Variants in LGALS8 observed in about 807,000 individuals in gnomAD.
LGALS8 encodes galectin 8, also known as galectin-8.
LGALS8 carries 30 observed loss-of-function variants against 35.9 expected under a neutral mutation model. The ratio of observed to expected loss-of-function variants is 0.83; its 90% CI spans 0.62 to 1.13. The LOEUF is 1.13. Ranked by LOEUF, LGALS8 falls within the 50% of genes most tolerant of loss-of-function variation. The probability of loss-of-function intolerance (pLI) is 0.00; values close to 1 mark genes in which losing one functional copy is unlikely to be tolerated. For missense variants in LGALS8, 366 were observed against 388.7 expected (o/e 0.94, Z 0.49); for synonymous variants, 138 against 136.1 (o/e 1.01, Z -0.10).
upstream of LGALS8, among the ~76,000 whole-genome samples, chr1:236,521,443 G>A (rs1221969430): frequency 6.6e-6 from 1 of 152,154 alleles, no homozygotes; most frequent in Non-Finnish European, 1.5e-5. Flanking sequence ...AAGGAAAGTA[G>A]TAGGAGATGA....
intron 7 of LGALS8, 64 bp downstream of exon 7, chr1:236,542,851 A>C: frequency 1.2e-6 from 2 of 1,614,150 alleles, no homozygotes; most frequent in Middle Eastern, 1.6e-4. Flanking sequence ...GAAAATGAAC[A>C]GTTTAAACCG....
rs1372158775 is a variant in LGALS8, at chr1:236,538,987, G to A, written c.243G>A (p.Leu81=). The A allele has an allele frequency of 6.2e-7, 1 of 1,614,014 alleles. No individual in the cohort carries two copies. The highest frequency in any genetic ancestry group is 1.7e-5 in the Admixed American group (1 of 60,004). The part of the protein sequence containing the change: ...KRAGCIVCNT[L]INEKWGREEI... ...CCGGCTGCATTGTTTGCAATACTTT[G>A]ATAAATGAAAAATGGGGACGGGAAG... Residue 81 remains leucine (L), a synonymous_variant, in exon 4 of 10, where the codon TTG becomes TTA. Transcript: ENST00000366584.
chr1:236,522,222 C>T (rs185268721), upstream of LGALS8, among the ~76,000 whole-genome samples: 17 of 152,264 alleles, frequency 1.1e-4, no homozygotes, highest in Admixed American at 1.1e-3. Context: ...TTCACTCAGC[C>T]CCGTTTGCAC....
Position 236,551,019 on chromosome 1 carries a change from A to G in LGALS8, c.*2858A>G. The G allele has an allele frequency of 6.6e-7, 1 of 1,519,080 alleles. No individual in the cohort carries two copies. The highest frequency in any genetic ancestry group is 8.9e-7 in the Non-Finnish European group (1 of 1,119,664). 94.1% of individuals were successfully genotyped at this position (1,519,080 alleles called of 1,614,324 possible). On this transcript the variant is annotated 3_prime_UTR_variant, in exon 10 of 10. Coordinates refer to ENST00000366584, the MANE Select transcript of LGALS8 (RefSeq NM_201544.4). ...AAAAAAAAAAAAAAAAATCAAAATTAAAATCTGAGTCAGTCCGCCTGCCTC... is the reference window on the plus strand; with the variant it reads ...AAAAAAAAAAAAAAAAATCAAAATTGAAATCTGAGTCAGTCCGCCTGCCTC...
intron 2 of LGALS8, among the ~76,000 whole-genome samples, chr1:236,528,582 C>T (rs1485619059): frequency 8.1e-5 from 10 of 122,826 alleles, no homozygotes; most frequent in East Asian, 4.7e-4. Context: ...GACAGAGGCT[C>T]GCTCTGTCAT....
rs1224142020 is a variant in LGALS8, at chr1:236,539,095, T to C, written c.345+6T>C. 1 of 1,611,966 alleles carries C rather than the reference T, an allele frequency of 6.2e-7. No individual in the cohort carries two copies. Among genetic ancestry groups the C allele is most frequent in the African/African-American group, 1.3e-5 (1 of 74,844 alleles). On this transcript the variant is annotated splice_donor_region_variant and intron_variant, in intron 4 of 9. Transcript: ENST00000366584. ...TGCTGAAGGACAAATTCCAGGTAGG[T>C]TTTGGAGAGGGACAGGTTGAGTCCT...
chr1:236,546,141 AATT>A (rs1209515708), intron 9 of LGALS8, among the ~76,000 whole-genome samples: 4 of 152,254 alleles, frequency 2.6e-5, no homozygotes, highest in Non-Finnish European at 5.9e-5. Context: ...CCAACTTCAT[AATT>A]CAAACCATAC....
rs60024224 is a variant in LGALS8, at chr1:236,537,021, C to CTTTTTTTTTTTTTTTTTT, written c.46-463_46-462insTTTTTTTTTTTTTTTTTT. Among the ~76,000 whole-genome samples, 36 of 137,874 alleles carry CTTTTTTTTTTTTTTTTTT rather than the reference C, an allele frequency of 2.6e-4. 4 individuals are homozygous for CTTTTTTTTTTTTTTTTTT. The highest frequency in any genetic ancestry group is 8.7e-4 in the African/African-American group (30 of 34,452). 90.5% of individuals were successfully genotyped at this position (137,874 alleles called of 152,430 possible). The stretch of plus-strand genomic sequence containing the variant: ...ATCCTGGCCATGAGGTATGCAGTTC[C>CTTTTTTTTTTTTTTTTTT]TTTTTTTTTTTTTGAGACGGAGCCT... On this transcript the variant is annotated intron_variant, in intron 2 of 9. Coordinates refer to ENST00000366584, the MANE Select transcript of LGALS8 (RefSeq NM_201544.4).
chr1:236,532,768 C>T (rs945238224), intron 2 of LGALS8, among the ~76,000 whole-genome samples: 7 of 152,112 alleles, frequency 4.6e-5, no homozygotes, highest in African/African-American at 1.7e-4. Flanking sequence ...CGCTTGAACC[C>T]GGGAGGCGGA....
In LGALS8 at chr1:236,552,080, A is replaced by C. The variant is rs150966685; in HGVS notation, c.*3919A>C. 1.9e-6 allele frequency: 3 copies of C among 1,613,114 alleles called. No individual in the cohort carries two copies. The African/African-American group carries it at 4.0e-5, about 22-fold the overall frequency. ...TCCTTTAGTTTTTCAGCCAGTGCTA[A>C]CACAGTAATCAAAGCAGCAAATCGA... On this transcript the variant is annotated 3_prime_UTR_variant, in exon 10 of 10. Transcript: ENST00000366584.
At chr1:236,537,921 G>GCCCC (rs1661654064) in intron 3 of LGALS8, among the ~76,000 whole-genome samples, 1 of 83,366 alleles carries the variant, frequency 1.2e-5, no homozygotes, top group African/African-American at 3.8e-5. Context: ...AACATAGTGA[G>GCCCC]ACCCCCCATC....
At chr1:236,527,821 T>C (rs1660900650) in intron 2 of LGALS8, among the ~76,000 whole-genome samples, 1 of 152,100 alleles carries the variant, frequency 6.6e-6, no homozygotes. Context: ...CTGCAATTTC[T>C]GCCTCCCGGG....
chr1:236,542,123 C>G (rs1662040271), intron 6 of LGALS8, among the ~76,000 whole-genome samples: 1 of 152,170 alleles, frequency 6.6e-6, no homozygotes, highest in African/African-American at 2.4e-5. Flanking sequence ...GTTCACACCT[C>G]ACAGACAGAA....
At chr1:236,541,592 AAAATATT>A (rs1553277740) in intron 5 of LGALS8, 55 bp from the exon 6 acceptor site, 7 of 107,152 alleles carry the variant, frequency 6.5e-5, no homozygotes, top group Admixed American at 1.5e-4. Flanking sequence ...ATGTCAATAT[AAAATATT>A]TAGAAAATAT....
At chr1:236,518,715 A>G (rs1009889629), upstream of LGALS8, among the ~76,000 whole-genome samples, 1 of 152,144 alleles carries the variant, frequency 6.6e-6, no homozygotes, top group African/African-American at 2.4e-5. Context: ...CTAAATTCAC[A>G]GCATACCAAG....
intron 4 of LGALS8, chr1:236,540,330 TTGTC>T (rs771024098): frequency 7.0e-5 from 31 of 444,024 alleles, no homozygotes; most frequent in African/African-American, 4.1e-4. Context: ...GACTGCCTGT[TTGTC>T]TGGGGAGAGA....
chr1:236,524,225 C>T (rs1397526796), intron 1 of LGALS8, 164 bp downstream of exon 1: 1 of 456,230 alleles, frequency 2.2e-6, no homozygotes, highest in East Asian at 7.0e-5. Context: ...CGGTCCTCAC[C>T]GCGGCAGAGC....
Position 236,525,952 on chromosome 1 carries a change from T to C in LGALS8, c.-103-16T>C, listed in dbSNP as rs764381768. The C allele has an allele frequency of 1.1e-5, 7 of 619,678 alleles. No homozygotes were observed. The highest frequency in any genetic ancestry group is 2.0e-5 in the Non-Finnish European group (7 of 354,180). 38.4% of individuals were successfully genotyped at this position (619,678 alleles called of 1,614,324 possible). ...ACATGCTTACTTTTCTTTTCCTCTATTTTTACTTTACACAGGGCCAGTGCC... is the reference window on the plus strand; with the variant it reads ...ACATGCTTACTTTTCTTTTCCTCTACTTTTACTTTACACAGGGCCAGTGCC... On this transcript the variant is annotated splice_polypyrimidine_tract_variant and intron_variant, in intron 1 of 9. Transcript: ENST00000366584.
chr1:236,545,215 C>T (rs1471512274), intron 9 of LGALS8: 1 of 211,970 alleles, frequency 4.7e-6, no homozygotes, highest in Non-Finnish European at 9.4e-6. Context: ...TGGAGTCACA[C>T]ATTTAATCAT....
Sources: allele counts gnomAD v4.1 joint callset (sites outside exome capture counted in the v4.1 genomes callset), GRCh38; gene constraint gnomAD v4.1.1; transcripts MANE v1.5; gene names NCBI Gene and HGNC (gene_info 2026-07-23, HGNC 2026-07-21).